SLC14A2: variants seen among roughly 807,000 people sequenced by gnomAD.
The protein encoded by SLC14A2 is solute carrier family 14 member 2, also known as urea transporter 2.
A neutral mutation model predicts 104.6 loss-of-function variants in SLC14A2; 91 were observed. The observed-to-expected ratio is 0.87, with a 90% confidence interval of 0.73 to 1.04. SLC14A2 has a LOEUF of 1.04. Among genes scored for constraint, SLC14A2 ranks in the 50% least tolerant of loss-of-function variants. The pLI is 0.00. For synonymous variants in SLC14A2, 476 were observed against 466.4 expected (o/e 1.02, Z -0.27); for missense variants, 1,189 against 1,156.0 (o/e 1.03, Z -0.41).
At chr18:45,314,056 G>T (rs997560482) in intron 1 of SLC14A2, among the ~76,000 whole-genome samples, 22 of 152,232 alleles carry the variant, frequency 1.4e-4, no homozygotes, top group African/African-American at 5.1e-4. Flanking sequence ...GACAAGCACA[G>T]GCCTGACACA....
intron 1 of SLC14A2, among the ~76,000 whole-genome samples, chr18:45,433,216 A>C (rs1171450150): frequency 6.6e-6 from 1 of 152,232 alleles, no homozygotes; most frequent in Non-Finnish European, 1.5e-5. Flanking sequence ...CAGTTTTCCC[A>C]TGCATACAGT....
intron 2 of SLC14A2, among the ~76,000 whole-genome samples, chr18:45,575,350 A>C (rs1208315020): frequency 1.3e-5 from 2 of 152,130 alleles, no homozygotes; most frequent in East Asian, 3.8e-4. Context: ...TGGAAGGGTC[A>C]CTAAATCAAA....
intron 1 of SLC14A2, among the ~76,000 whole-genome samples, chr18:45,322,422 A>G (rs2085194341): frequency 6.6e-6 from 1 of 152,228 alleles, no homozygotes; most frequent in Non-Finnish European, 1.5e-5. Flanking sequence ...AGGCCCATTG[A>G]CAATTGGCTA....
At chr18:45,527,535 A>G (rs911891201) in intron 2 of SLC14A2, among the ~76,000 whole-genome samples, 1 of 152,202 alleles carries the variant, frequency 6.6e-6, no homozygotes, top group African/African-American at 2.4e-5. Flanking sequence ...ACTTTTTGCA[A>G]AAAGAAAGAC....
At chr18:45,256,041 G>T (rs188539099) in intron 1 of SLC14A2, among the ~76,000 whole-genome samples, 1 of 152,200 alleles carries the variant, frequency 6.6e-6, no homozygotes, top group East Asian at 1.9e-4. Flanking sequence ...CCTTTGTCTC[G>T]CCCACTGACA....
chr18:45,630,861 C>T (rs2045333486), intron 4 of SLC14A2, among the ~76,000 whole-genome samples: 1 of 152,202 alleles, frequency 6.6e-6, no homozygotes, highest in African/African-American at 2.4e-5. Flanking sequence ...GTCCTGTGTC[C>T]AGTACAAGTG....
intron 1 of SLC14A2, among the ~76,000 whole-genome samples, chr18:45,391,792 ATTTG>A (rs2085970604): frequency 6.6e-6 from 1 of 152,074 alleles, no homozygotes; most frequent in Admixed American, 6.5e-5. Flanking sequence ...TTTCTTGTAC[ATTTG>A]TTTGAGTTCA....
chr18:45,391,375 G>A (rs933362254), intron 1 of SLC14A2, among the ~76,000 whole-genome samples: 7 of 152,266 alleles, frequency 4.6e-5, no homozygotes, highest in East Asian at 1.9e-4. Context: ...GAATAGTGCC[G>A]CAATAAACAT....
At chr18:45,382,003 A>G (rs991716729) in intron 1 of SLC14A2, among the ~76,000 whole-genome samples, 1 of 152,198 alleles carries the variant, frequency 6.6e-6, no homozygotes, top group East Asian at 1.9e-4. Context: ...ATTTCCGCTT[A>G]GCACCCTCCC....
At chr18:45,345,457 C>T (rs1305995975) in intron 1 of SLC14A2, among the ~76,000 whole-genome samples, 4 of 152,086 alleles carry the variant, frequency 2.6e-5, no homozygotes, top group African/African-American at 9.7e-5. Context: ...ATGCCATGCA[C>T]GTGATGTCCT....
chr18:45,375,013 G>A (rs537074618), intron 1 of SLC14A2, among the ~76,000 whole-genome samples: 34 of 152,232 alleles, frequency 2.2e-4, no homozygotes, highest in Non-Finnish European at 4.4e-4. Context: ...TACTAAAACC[G>A]CCCTTGCAAA....
At chr18:45,565,935 C>T (rs1032686312) in intron 2 of SLC14A2, among the ~76,000 whole-genome samples, 3 of 152,320 alleles carry the variant, frequency 2.0e-5, no homozygotes, top group South Asian at 2.1e-4. Context: ...AGCTCTATCC[C>T]CAGATAAAGT....
chr18:45,403,549 C>G (rs1279068075), intron 1 of SLC14A2, among the ~76,000 whole-genome samples: 1 of 152,154 alleles, frequency 6.6e-6, no homozygotes, highest in African/African-American at 2.4e-5. Flanking sequence ...CTGGCCACTC[C>G]TCCTCATGTG....
upstream of SLC14A2, among the ~76,000 whole-genome samples, chr18:45,209,180 C>CAAAA (rs71372700): frequency 4.8e-5 from 4 of 83,866 alleles, no homozygotes; most frequent in African/African-American, 7.7e-5. Context: ...ATTAAAAATA[C>CAAAA]AAAAAAAAAA....
chr18:45,531,398 G>T (rs2043684470), intron 2 of SLC14A2, among the ~76,000 whole-genome samples: 1 of 152,162 alleles, frequency 6.6e-6, no homozygotes, highest in African/African-American at 2.4e-5. Context: ...CATTCTAACT[G>T]GTGTGAGATG....
At chr18:45,237,726 G>T (rs1285159897) in intron 1 of SLC14A2, among the ~76,000 whole-genome samples, 6 of 152,152 alleles carry the variant, frequency 3.9e-5, no homozygotes, top group African/African-American at 1.4e-4. Context: ...TCTTGCTTGT[G>T]GGAGTCTGGA....
In SLC14A2 at chr18:45,263,952, C is replaced by T. The variant is rs116993716; in HGVS notation, c.-125+50761C>T. Among the ~76,000 whole-genome samples the T allele has an allele frequency of 9.7e-3, 1,480 of 152,264 alleles. 12 individuals carry two copies. Among genetic ancestry groups the T allele is most frequent in the Non-Finnish European group, 0.016 (1,078 of 68,016 alleles). On this transcript the variant is annotated intron_variant, in intron 1 of 20. Transcript: ENST00000586448. Reference sequence around the variant, plus strand: ...AACCAAGATCTGGGCATTAGGTATACCCATTGCTACTATTATGACATTACT... The same window carrying T: ...AACCAAGATCTGGGCATTAGGTATATCCATTGCTACTATTATGACATTACT...
At position 45,419,006 on chromosome 18, in the gene SLC14A2, G is replaced by A. The variant is rs114374069; in HGVS notation, c.-124-64227G>A. ...TTATATTTGGGCTGTTCAGGCTGAA[G>A]CACCAAAGATACTGCTAGAGTCTCT... On this transcript the variant is annotated intron_variant, in intron 1 of 20. Coordinates refer to the SLC14A2 transcript ENST00000586448. 4.7e-3 allele frequency among the ~76,000 whole-genome samples: 715 copies of A among 152,300 alleles called. 11 individuals carry two copies. The highest frequency in any genetic ancestry group is 0.016 in the African/African-American group (669 of 41,570).
At chr18:45,363,400 T>C (rs1479842369) in intron 1 of SLC14A2, among the ~76,000 whole-genome samples, 1 of 151,810 alleles carries the variant, frequency 6.6e-6, no homozygotes, top group Non-Finnish European at 1.5e-5. Flanking sequence ...AATAAGTAGG[T>C]CTGTGAAAGG....
Sources: gnomAD v4.1 joint callset for allele counts (sites outside exome capture counted in the v4.1 genomes callset) on GRCh38, gnomAD v4.1.1 for gene constraint, MANE v1.5 for transcripts, NCBI Gene and HGNC (gene_info 2026-07-23, HGNC 2026-07-21) for gene names.